The following CEP290 variants were observed in gnomAD, a reference collection of about 807,000 sequenced individuals.
The protein encoded by CEP290 is centrosomal protein of 290 kDa.
A neutral mutation model predicts 344.9 loss-of-function variants in CEP290; 317 were observed. The ratio of observed to expected loss-of-function variants is 0.92; its 90% confidence interval spans 0.84 to 1.01. The LOEUF (loss-of-function observed/expected upper bound fraction) is 1.01, where lower values mean the gene tolerates loss of function less well. Among genes scored for constraint, CEP290 ranks in the 50% least tolerant of loss-of-function variants. The pLI is 0.00. For missense variants in CEP290, 2,754 were observed against 2,761.4 expected (o/e 1.00, Z 0.06); for synonymous variants, 932 against 895.8 (o/e 1.04, Z -0.72).
intron 44 of CEP290, among the ~76,000 whole-genome samples, chr12:88,064,563 C>T (rs2034750099): frequency 6.6e-6 from 1 of 151,998 alleles, no homozygotes; most frequent in South Asian, 2.1e-4. Context: ...CAGAGGTATT[C>T]AAGTTAAAAT....
chr12:88,120,601 T>C (rs1401393110), intron 14 of CEP290, among the ~76,000 whole-genome samples: 1 of 152,188 alleles, frequency 6.6e-6, no homozygotes, highest in Admixed American at 6.5e-5. Flanking sequence ...AAGTCATTAG[T>C]TGCTTGAATT....
intron 41 of CEP290, 66 bp from the exon 42 acceptor site, chr12:88,071,992 CA>C: frequency 7.3e-7 from 1 of 1,372,276 alleles, no homozygotes; most frequent in Non-Finnish European, 9.6e-7. Flanking sequence ...TATGATTTAT[CA>C]ATTATAATTT....
rs746413821 is a variant in CEP290 at position 88,084,652 on chromosome 12, T to TTGCA, written c.4634_4637dup (p.Gln1546HisfsTer34). On this transcript the variant is annotated frameshift_variant, in exon 35 of 54. Coordinates refer to ENST00000552810, the MANE Select transcript of CEP290 (RefSeq NM_025114.4). LOFTEE classifies it high-confidence loss of function. ...CTTCTTCTTTTTGATTTAACCTTGC[T>TTGCA]TGCATGTTTGCAATGGTTTGATGAG... The TTGCA allele has an allele frequency of 6.8e-6, 11 of 1,613,722 alleles. No individual in the cohort carries two copies. The highest frequency in any genetic ancestry group is 9.3e-6 in the Non-Finnish European group (11 of 1,179,650).
chr12:88,128,990 C>A lies in CEP290; in HGVS notation c.898G>T (p.Asp300Tyr). The change falls in exon 11 of 54, where the codon GAT becomes TAT. Residue 300 changes from aspartate to tyrosine, a missense_variant. Asp to Tyr is a radical substitution (Grantham distance 160). Coordinates refer to ENST00000552810, the MANE Select transcript of CEP290 (RefSeq NM_025114.4). The part of the protein sequence containing the change: ...DLLKSKNEED[D>Y]PIMVAVNAKV... ...GCATTGACAGCTACCATAATTGGAT[C>A]ATCTTCTTCATTTTTTGATTTCAGA... The A allele has an allele frequency of 6.5e-7, 1 of 1,537,948 alleles. No individual in the cohort carries two copies. Among genetic ancestry groups the A allele is most frequent in the Non-Finnish European group, 8.7e-7 (1 of 1,152,328 alleles).
rs1232328623 is a variant in CEP290 at position 88,131,236 on chromosome 12, A to AT, written c.442-19_442-18insA. ...AGAGCCAACTAAAATAGTAAAAAAAAAAAATAAATAAGAAGAAGATAAAAT... is the reference window on the plus strand; with the variant it reads ...AGAGCCAACTAAAATAGTAAAAAAAATAAAATAAATAAGAAGAAGATAAAAT... On this transcript the variant is annotated intron_variant, in intron 6 of 53. Transcript: ENST00000552810. 2.1e-6 allele frequency: 3 copies of AT among 1,458,450 alleles called. No homozygotes were observed. The highest frequency in any genetic ancestry group is 3.0e-5 in the Admixed American group (1 of 33,068). The allele number at this position is 1,458,450 out of a possible 1,614,324, so 90.3% of individuals were successfully genotyped here. A position where few individuals can be genotyped will look rare whatever the true frequency, so the allele number is the denominator to read the frequency against.
intron 38 of CEP290, 151 bp downstream of exon 38, chr12:88,080,031 A>C: frequency 1.7e-6 from 1 of 595,856 alleles, no homozygotes; most frequent in Non-Finnish European, 2.9e-6. Flanking sequence ...ATTGTCTAAA[A>C]TACCTTGTTT....
intron 49 of CEP290, among the ~76,000 whole-genome samples, chr12:88,056,801 A>T (rs1442202429): frequency 6.6e-6 from 1 of 152,214 alleles, no homozygotes; most frequent in Non-Finnish European, 1.5e-5. Context: ...CATGGGTCCC[A>T]AAAGAGATCT....
Position 88,049,213 on chromosome 12 carries a change from C to T in CEP290, c.7411G>A (p.Glu2471Lys), listed in dbSNP as rs1406377321. The change falls in exon 54 of 54, where the codon GAA (glutamate) becomes AAA (lysine). Residue 2471 changes from glutamate to lysine, a missense_variant. Coordinates refer to ENST00000552810, the MANE Select transcript of CEP290 (RefSeq NM_025114.4). ...TAAATGGGGAAATTAACAGGACTTT[C>T]TTCTTCATCTTCAAACTCTTCAGAA... Reference protein sequence around the residue: ...AASEEFEDEEESPVNFPIY With the variant: ...AASEEFEDEEKSPVNFPIY 3.1e-6 allele frequency: 5 copies of T among 1,598,690 alleles called. No individual in the cohort carries two copies. The Admixed American group carries it at 8.7e-5, about 28-fold the overall frequency.
At chr12:88,108,803 G>T (rs1167371771) in intron 23 of CEP290, among the ~76,000 whole-genome samples, 1 of 152,056 alleles carries the variant, frequency 6.6e-6, no homozygotes, top group Non-Finnish European at 1.5e-5. Context: ...GACACAGATA[G>T]GTAAGATGAC....
intron 36 of CEP290, among the ~76,000 whole-genome samples, chr12:88,083,477 C>G (rs2036342004): frequency 6.6e-6 from 1 of 152,090 alleles, no homozygotes; most frequent in Non-Finnish European, 1.5e-5. Flanking sequence ...CGAGGTAATG[C>G]TCAAATATGC....
Position 88,129,883 on chromosome 12 carries a change from A to C in CEP290, c.670-7T>G, listed in dbSNP as rs2039961462. 3 of 1,414,462 alleles carry C rather than the reference A, an allele frequency of 2.1e-6. No individual in the cohort carries two copies. The highest frequency in any genetic ancestry group is 2.8e-6 in the Non-Finnish European group (3 of 1,069,466). 87.6% of individuals were successfully genotyped at this position (1,414,462 alleles called of 1,614,324 possible). On this transcript the variant is annotated splice_polypyrimidine_tract_variant and splice_region_variant and intron_variant, in intron 9 of 53. Coordinates refer to ENST00000552810, the MANE Select transcript of CEP290 (RefSeq NM_025114.4). ...CATTAGCTTCTGTTAAAGTCTAAAA[A>C]AGTTAAAGACACTATAATTAAAAAG...
chr12:88,104,027 C>A (rs1157763890), intron 25 of CEP290: 1 of 151,962 alleles, frequency 6.6e-6, no homozygotes, highest in African/African-American at 2.4e-5. Context: ...TAATTCTTTT[C>A]TCTTTCTATC....
intron 25 of CEP290, among the ~76,000 whole-genome samples, chr12:88,104,574 G>GA (rs1321268714): frequency 1.3e-5 from 2 of 150,912 alleles, no homozygotes; most frequent in African/African-American, 4.9e-5. Context: ...TTCAATAAAG[G>GA]AAAAAAATCC....
chr12:88,136,666 T>C lies in CEP290; in HGVS notation c.418A>G (p.Lys140Glu), dbSNP rs377409636. 7.4e-6 allele frequency: 12 copies of C among 1,613,634 alleles called. No homozygotes were observed. The African/African-American group carries it at 1.5e-4, about 20-fold the overall frequency. Residue 140 changes from lysine (K) to glutamate (E), a missense_variant, in exon 6 of 54, where the codon AAA becomes GAA. Transcript: ENST00000552810. ...ELEDMEKELE[K>E]EKKVNEQLAL... ...ACTTGCTCATTAACTTTCTTCTCTT[T>C]CTCCAACTCCTTTTCCATGTCCTCC...
intron 52 of CEP290, among the ~76,000 whole-genome samples, chr12:88,052,626 T>C (rs574747227): frequency 6.6e-6 from 1 of 152,118 alleles, no homozygotes; most frequent in Non-Finnish European, 1.5e-5. Context: ...TGTACAGACA[T>C]GCATATATAT....
rs1255262063 is a variant in CEP290, at chr12:88,126,470, AAAAGG to A, written c.943-37_943-33del. 2.1e-6 allele frequency: 3 copies of A among 1,399,530 alleles called. No individual in the cohort carries two copies. In the African/African-American group the frequency reaches 4.5e-5, roughly 21 times the overall value. 86.7% of individuals were successfully genotyped at this position (1,399,530 alleles called of 1,614,324 possible). ...ATAAACACAATAGAATCTGTTATGC[AAAAGG>A]AAAGTTAATAAAACATTCTTCATTA... On this transcript the variant is annotated intron_variant, in intron 11 of 53. Coordinates refer to ENST00000552810, the MANE Select transcript of CEP290 (RefSeq NM_025114.4).
chr12:88,049,492 A>G, intron 53 of CEP290, 78 bp from the exon 54 acceptor site: 1 of 782,382 alleles, frequency 1.3e-6, no homozygotes, highest in East Asian at 2.7e-5. Context: ...ATTTAATTGT[A>G]AATATGAAAG....
intron 11 of CEP290, 82 bp downstream of exon 11, chr12:88,128,862 TAA>T: frequency 2.7e-6 from 2 of 748,736 alleles, no homozygotes; most frequent in South Asian, 2.0e-5. Flanking sequence ...TAAACCAGTA[TAA>T]GACATTTAAA....
chr12:88,065,393 AGAC>A (rs1435682009), intron 44 of CEP290, among the ~76,000 whole-genome samples: 1 of 152,302 alleles, frequency 6.6e-6, no homozygotes, highest in African/African-American at 2.4e-5. Flanking sequence ...AAAAAAAAGA[AGAC>A]AAACATTTTT....
Sources: allele counts gnomAD v4.1 joint callset (sites outside exome capture counted in the v4.1 genomes callset), GRCh38; gene constraint gnomAD v4.1.1; transcripts MANE v1.5; gene names NCBI Gene and HGNC (gene_info 2026-07-23, HGNC 2026-07-21).